Variants in NCAPD2 observed in about 807,000 individuals in gnomAD.
The protein encoded by NCAPD2 is non-SMC condensin I complex subunit D2, also known as condensin complex subunit 1.
A neutral mutation model predicts 164.5 loss-of-function variants in NCAPD2; 100 were observed. The observed-to-expected ratio is 0.61, with a 90% CI of 0.52 to 0.72. NCAPD2 has a LOEUF of 0.72. NCAPD2 is among the 30% of genes least tolerant of loss of function. NCAPD2 has a pLI of 0.00. For missense variants in NCAPD2, 1,560 were observed against 1,749.2 expected, an observed-to-expected ratio of 0.89 and a Z score of 1.93; for synonymous variants, 585 against 642.6, an observed-to-expected ratio of 0.91 and a Z score of 1.36.
intron 9 of NCAPD2, among the ~76,000 whole-genome samples, 184 bp from the exon 10 acceptor site, chr12:6,516,644 G>A (rs1296057573): frequency 6.6e-6 from 1 of 152,190 alleles, no homozygotes; most frequent in Non-Finnish European, 1.5e-5. Context: ...TGAGCCCTAT[G>A]AGGAAAAATT....
intron 17 of NCAPD2, among the ~76,000 whole-genome samples, chr12:6,524,227 G>C (rs1390862565): frequency 6.6e-6 from 1 of 152,142 alleles, no homozygotes; most frequent in Non-Finnish European, 1.5e-5. Context: ...ACTTAAGCTG[G>C]GTCTTGAAAG....
intron 17 of NCAPD2, among the ~76,000 whole-genome samples, chr12:6,525,048 G>A (rs1037201540): frequency 2.0e-5 from 3 of 152,236 alleles, no homozygotes; most frequent in East Asian, 3.8e-4. Context: ...AGGAAGGCCC[G>A]TGGAGGCTGC....
intron 6 of NCAPD2, 66 bp downstream of exon 6, chr12:6,511,318 C>T: frequency 6.5e-7 from 1 of 1,549,928 alleles, no homozygotes; most frequent in Non-Finnish European, 8.7e-7. Context: ...GATAGATATG[C>T]CGTTTTTTTG....
chr12:6,498,491 T>C (rs970931510), intron 2 of NCAPD2, among the ~76,000 whole-genome samples: 5 of 152,196 alleles, frequency 3.3e-5, no homozygotes, highest in Admixed American at 3.3e-4. Context: ...CCAAGACCCT[T>C]ATTAGATGCC....
At chr12:6,509,074 C>CTTT (rs57728406) in intron 2 of NCAPD2, among the ~76,000 whole-genome samples, 20 of 143,834 alleles carry the variant, frequency 1.4e-4, no homozygotes, top group Non-Finnish European at 2.1e-4. Flanking sequence ...ATAGGATAAA[C>CTTT]TTTTTTTTTT....
chr12:6,518,833 T>G (rs192309466), intron 13 of NCAPD2, among the ~76,000 whole-genome samples: 1 of 151,448 alleles, frequency 6.6e-6, no homozygotes, highest in Non-Finnish European at 1.5e-5. Flanking sequence ...CAACAAGTAT[T>G]CTTAAACCTC....
At chr12:6,504,197 A>ATC (rs1565539553) in intron 2 of NCAPD2, among the ~76,000 whole-genome samples, 1 of 20,878 alleles carries the variant, frequency 4.8e-5, no homozygotes, top group Non-Finnish European at 7.3e-5. Context: ...ATATATATAT[A>ATC]TATATATATA....
chr12:6,517,135 A>G, intron 10 of NCAPD2, 110 bp downstream of exon 10: 2 of 1,359,210 alleles, frequency 1.5e-6, no homozygotes, highest in South Asian at 2.6e-5. Context: ...TAGAATTCAC[A>G]TTTTTATTAT....
chr12:6,495,249 T>G (rs11064231), intron 2 of NCAPD2, 24 bp downstream of exon 2: 362,709 of 1,612,098 alleles, frequency 0.22, 44,100 homozygotes, highest in Non-Finnish European at 0.25. Context: ...GCTGTCACTG[T>G]ACCTAGCTCT....
chr12:6,529,328 A>T, intron 27 of NCAPD2, 185 bp from the exon 28 acceptor site: 1 of 639,156 alleles, frequency 1.6e-6, no homozygotes, highest in East Asian at 2.7e-5. Context: ...AAAATTCCTG[A>T]GCCGGGGGCG....
intron 12 of NCAPD2, 29 bp from the exon 13 acceptor site, chr12:6,517,750 G>A (rs1446321845): frequency 6.2e-7 from 1 of 1,613,966 alleles, no homozygotes; most frequent in African/African-American, 1.3e-5. Context: ...AAACTCTAGT[G>A]AAAGAGACTA....
chr12:6,526,080 A>C lies in NCAPD2; in HGVS notation c.2361A>C (p.Glu787Asp). Residue 787 changes from glutamate (E) to aspartate (D), a missense_variant, in exon 19 of 32, where the codon GAA becomes GAC. Coordinates refer to ENST00000315579, the MANE Select transcript of NCAPD2 (RefSeq NM_014865.4). ...TTCCTTCCCCTAGAGGAAAGCCAGA[A>C]ATTGTGGGAAGCAATTTAGACACAC... Reference protein sequence around the residue: ...LLGMMARGKPEIVGSNLDTLV... With the variant: ...LLGMMARGKPDIVGSNLDTLV... 1 of 1,614,014 alleles carries C rather than the reference A, an allele frequency of 6.2e-7. No homozygotes were observed. Among genetic ancestry groups the C allele is most frequent in the Non-Finnish European group, 8.5e-7 (1 of 1,180,032 alleles).
At chr12:6,529,749 C>T in intron 28 of NCAPD2, 26 bp from the exon 29 acceptor site, 1 of 1,604,358 alleles carries the variant, frequency 6.2e-7, no homozygotes, top group Non-Finnish European at 8.5e-7. Flanking sequence ...TCTCCCAGTT[C>T]CTCACAAAGC....
intron 2 of NCAPD2, among the ~76,000 whole-genome samples, chr12:6,498,053 G>C (rs750655256): frequency 1.3e-5 from 2 of 151,998 alleles, no homozygotes; most frequent in Non-Finnish European, 2.9e-5. Context: ...GGGACTACAG[G>C]CATGTGCCAA....
chr12:6,506,978 A>G (rs1946104887), intron 2 of NCAPD2, among the ~76,000 whole-genome samples: 1 of 152,248 alleles, frequency 6.6e-6, no homozygotes, highest in African/African-American at 2.4e-5. Flanking sequence ...CTCCAGTGAG[A>G]GGGCCTAAAG....
intron 21 of NCAPD2, 133 bp downstream of exon 21, chr12:6,526,748 G>A: frequency 7.1e-7 from 1 of 1,413,772 alleles, no homozygotes; most frequent in Admixed American, 2.1e-5. Context: ...AGTTGAAGTT[G>A]GGCCAGTTCC....
intron 9 of NCAPD2, 56 bp from the exon 10 acceptor site, chr12:6,516,772 A>G: frequency 3.8e-6 from 6 of 1,569,856 alleles, no homozygotes; most frequent in South Asian, 1.1e-5. Context: ...ATGGCCAAGC[A>G]CAAGCAAGCT....
In NCAPD2 at chr12:6,510,621, C is replaced by G. The variant is rs776174142; in HGVS notation, c.263-8C>G. The G allele has an allele frequency of 2.5e-6, 4 of 1,613,996 alleles. No homozygotes were observed. Among genetic ancestry groups the G allele is most frequent in the Non-Finnish European group, 2.5e-6 (3 of 1,179,950 alleles). On this transcript the variant is annotated splice_region_variant and splice_polypyrimidine_tract_variant and intron_variant, in intron 4 of 31. Coordinates refer to ENST00000315579, the MANE Select transcript of NCAPD2 (RefSeq NM_014865.4). ...GTGAAACTGACTCCAAGATTCTGCC[C>G]CTCACAGTGGTATCCCGCCACTCCC... is the stretch of plus-strand genomic sequence containing the variant.
Position 6,525,723 on chromosome 12 carries a change from C to T in NCAPD2, c.2348+7C>T. Reference sequence around the variant, plus strand: ...TTCTTGGCATGATGGCACGGTGAGGCTCAAATCTAGCAGGCAATGGGGTGG... The same window carrying T: ...TTCTTGGCATGATGGCACGGTGAGGTTCAAATCTAGCAGGCAATGGGGTGG... On this transcript the variant is annotated splice_region_variant and intron_variant, in intron 18 of 31. Transcript: ENST00000315579. 1 of 1,612,278 alleles carries T rather than the reference C, an allele frequency of 6.2e-7. No individual in the cohort carries two copies. Among genetic ancestry groups the T allele is most frequent in the Non-Finnish European group, 8.5e-7 (1 of 1,178,870 alleles).
Sources: allele counts gnomAD v4.1 joint callset (sites outside exome capture counted in the v4.1 genomes callset), GRCh38; gene constraint gnomAD v4.1.1; transcripts MANE v1.5; gene names NCBI Gene and HGNC (gene_info 2026-07-23, HGNC 2026-07-21).